Variants in LRFN2 observed in about 807,000 individuals in gnomAD.
LRFN2 encodes the protein leucine rich repeat and fibronectin type III domain containing 2, also known as leucine-rich repeat and fibronectin type-III domain-containing protein 2.
A neutral mutation model predicts 37.3 loss-of-function variants in LRFN2; 18 were observed. The ratio of observed to expected loss-of-function variants is 0.48; its 90% CI spans 0.33 to 0.72. LRFN2 has a LOEUF of 0.72. Ranked by LOEUF, LRFN2 falls within the 30% of genes least tolerant of loss-of-function variation. The pLI is 0.02. For synonymous variants in LRFN2, 556 were observed against 466.6 expected (o/e 1.19, Z -2.47); for missense variants, 1,006 against 1,060.7 (o/e 0.95, Z 0.72).
At chr6:40,520,688 C>A (rs77064625) in intron 1 of LRFN2, among the ~76,000 whole-genome samples, 1 of 147,114 alleles carries the variant, frequency 6.8e-6, no homozygotes, top group Non-Finnish European at 1.5e-5. Flanking sequence ...AGGAGAGGGG[C>A]CTCTGGAGGC....
chr6:40,391,979 A>T lies in LRFN2; in HGVS notation c.2334T>A (p.Phe778Leu). The change falls in exon 3 of 3, where the codon TTT becomes TTA. Residue 778 changes from phenylalanine (F) to leucine (L), a missense_variant. By Grantham distance (22) the Phe-to-Leu change is conservative. Around this residue, in one of 4 missense-constraint regions of LRFN2, gnomAD observed 398 missense variants for 327.6 expected, o/e 1.21. Transcript: ENST00000338305. The stretch of plus-strand genomic sequence containing the variant: ...TCTCCATCACCCATTCGGAGCTGCC[A>T]AAAGTCCCCCGGGCCCCCACCAGGT... ...ESDLVGARGTFGSSEWVMEST... is the reference protein window; with the variant it reads ...ESDLVGARGTLGSSEWVMEST... 6.3e-7 allele frequency: 1 copy of T among 1,596,450 alleles called. No individual in the cohort carries two copies. The highest frequency in any genetic ancestry group is 8.5e-7 in the Non-Finnish European group (1 of 1,170,686).
intron 1 of LRFN2, among the ~76,000 whole-genome samples, chr6:40,485,905 A>G (rs1447606328): frequency 6.6e-6 from 1 of 152,334 alleles, no homozygotes; most frequent in East Asian, 1.9e-4. Flanking sequence ...CTGAAAAGGG[A>G]AAAAGAACTC....
chr6:40,433,819 G>T (rs1763575908), intron 1 of LRFN2, among the ~76,000 whole-genome samples: 1 of 152,124 alleles, frequency 6.6e-6, no homozygotes, highest in African/African-American at 2.4e-5. Flanking sequence ...GTGATGGGAG[G>T]CAAAGGAGTG....
chr6:40,583,448 G>A (rs1435521262), intron 1 of LRFN2, among the ~76,000 whole-genome samples: 1 of 152,138 alleles, frequency 6.6e-6, no homozygotes, highest in African/African-American at 2.4e-5. Flanking sequence ...TGCCTGGCCT[G>A]TAATCACTGG....
intron 1 of LRFN2, among the ~76,000 whole-genome samples, chr6:40,478,003 A>C (rs1391927464): frequency 1.3e-5 from 2 of 152,170 alleles, no homozygotes; most frequent in African/African-American, 4.8e-5. Flanking sequence ...TCCGTGTCAT[A>C]ATTAAAGAGA....
chr6:40,498,679 C>G (rs1765296054), intron 1 of LRFN2, among the ~76,000 whole-genome samples: 1 of 152,218 alleles, frequency 6.6e-6, no homozygotes, highest in Non-Finnish European at 1.5e-5. Context: ...CATGGACAGG[C>G]AGCTGTACAC....
At chr6:40,533,731 C>T (rs1766396235) in intron 1 of LRFN2, among the ~76,000 whole-genome samples, 1 of 152,118 alleles carries the variant, frequency 6.6e-6, no homozygotes, top group African/African-American at 2.4e-5. Flanking sequence ...AAGTATTGCA[C>T]CCACAGAAAA....
chr6:40,479,293 C>T (rs1040639106), intron 1 of LRFN2, among the ~76,000 whole-genome samples: 1 of 152,216 alleles, frequency 6.6e-6, no homozygotes, highest in Admixed American at 6.5e-5. Flanking sequence ...GACTCCCTGT[C>T]CTCCAGCCTA....
chr6:40,519,756 G>A (rs183420046), intron 1 of LRFN2, among the ~76,000 whole-genome samples: 10 of 152,228 alleles, frequency 6.6e-5, no homozygotes, highest in Admixed American at 6.5e-4. Flanking sequence ...TGTGTAAAAG[G>A]TGCCCTGATA....
chr6:40,417,914 C>T (rs1282266189), intron 2 of LRFN2, among the ~76,000 whole-genome samples: 3 of 152,164 alleles, frequency 2.0e-5, no homozygotes, highest in Non-Finnish European at 2.9e-5. Flanking sequence ...GCAACCATCC[C>T]GTAACTGGTC....
chr6:40,405,106 T>G (rs1458835481), intron 2 of LRFN2, among the ~76,000 whole-genome samples: 1 of 152,248 alleles, frequency 6.6e-6, no homozygotes, highest in Non-Finnish European at 1.5e-5. Context: ...GTTTCGATAT[T>G]CTGGTTCCTG....
Position 40,485,394 on chromosome 6 carries a change from G to A in LRFN2, c.-18-52263C>T, listed in dbSNP as rs550567648. 3.3e-5 allele frequency among the ~76,000 whole-genome samples: 5 copies of A among 152,328 alleles called. No individual in the cohort carries two copies. In the East Asian group the frequency reaches 5.8e-4, roughly 18 times the overall value. ...CCTGGAAGCCATAATCCCTTCAGTA[G>A]TTCAACATGTTTATGGGGGTGAGAG... On this transcript the variant is annotated intron_variant, in intron 1 of 2. Coordinates refer to ENST00000338305, the MANE Select transcript of LRFN2 (RefSeq NM_020737.3).
chr6:40,451,651 A>G (rs1764113375), intron 1 of LRFN2, among the ~76,000 whole-genome samples: 1 of 152,152 alleles, frequency 6.6e-6, no homozygotes, highest in African/African-American at 2.4e-5. Flanking sequence ...TGCCGTGTGG[A>G]TCCTGGTCTC....
At chr6:40,396,741 T>C (rs2916254) in intron 2 of LRFN2, among the ~76,000 whole-genome samples, 145,393 of 149,912 alleles carry the variant, frequency 0.97, 70,641 homozygotes, top group East Asian at 1. Context: ...TATGTGTGCG[T>C]GTGTACGTCT....
intron 1 of LRFN2, among the ~76,000 whole-genome samples, chr6:40,526,164 A>G (rs403606): frequency 0.65 from 99,282 of 152,144 alleles, 33,590 homozygotes; most frequent in African/African-American, 0.84. Context: ...ATTCCACAGA[A>G]GACAAAAACA....
chr6:40,462,868 T>C (rs745328760), intron 1 of LRFN2, among the ~76,000 whole-genome samples: 2 of 152,194 alleles, frequency 1.3e-5, no homozygotes, highest in African/African-American at 2.4e-5. Context: ...CCTTGCCTAG[T>C]AATAGAATTG....
At chr6:40,487,883 C>A (rs1291020807) in intron 1 of LRFN2, among the ~76,000 whole-genome samples, 1 of 146,716 alleles carries the variant, frequency 6.8e-6, no homozygotes, top group African/African-American at 2.7e-5. Context: ...TCAGAATCAC[C>A]CAACCCTCCT....
chr6:40,516,457 A>C (rs1008778748), intron 1 of LRFN2: 1 of 152,276 alleles, frequency 6.6e-6, no homozygotes, highest in African/African-American at 2.4e-5. Flanking sequence ...GGGGGAGAGA[A>C]AGGATGCAGT....
chr6:40,419,401 C>T (rs527458445), intron 2 of LRFN2, among the ~76,000 whole-genome samples: 1 of 152,280 alleles, frequency 6.6e-6, no homozygotes, highest in Non-Finnish European at 1.5e-5. Context: ...CCTGGAGAAC[C>T]ACTACCCCTC....
Sources: gnomAD v4.1 joint callset for allele counts (sites outside exome capture counted in the v4.1 genomes callset) on GRCh38, gnomAD v4.1.1 for gene constraint, gnomAD v4.1.1 regional missense constraint, MANE v1.5 for transcripts, NCBI Gene and HGNC (gene_info 2026-07-23, HGNC 2026-07-21) for gene names.